The following PTPRD variants were observed in gnomAD, a reference collection of about 807,000 sequenced individuals.
PTPRD encodes receptor-type tyrosine-protein phosphatase delta.
Under a neutral mutation model 214.5 loss-of-function variants are expected in PTPRD, and 34 were observed. The ratio of observed to expected loss-of-function variants is 0.16; its 90% CI spans 0.12 to 0.21. PTPRD has a LOEUF of 0.21. Ranked by LOEUF, PTPRD falls within the 10% of genes least tolerant of loss-of-function variation. PTPRD has a pLI of 1.00. For synonymous variants in PTPRD, 1,128 were observed against 845.7 expected (o/e 1.33, Z -5.79); for missense variants, 2,545 against 2,398.7 (o/e 1.06, Z -1.27).
chr9:8,845,134 G>C (rs2097662078), intron 11 of PTPRD, among the ~76,000 whole-genome samples: 2 of 149,878 alleles, frequency 1.3e-5, no homozygotes, highest in South Asian at 4.2e-4. Context: ...AAGTGAGTGA[G>C]TGAATAAAAT....
At chr9:10,549,690 A>G (rs778192239) in intron 2 of PTPRD, among the ~76,000 whole-genome samples, 2 of 152,188 alleles carry the variant, frequency 1.3e-5, no homozygotes, top group African/African-American at 2.4e-5. Context: ...GTCTGAGAGT[A>G]TAAATCCTTA....
intron 2 of PTPRD, among the ~76,000 whole-genome samples, chr9:10,360,855 C>T (rs995646833): frequency 1.3e-5 from 2 of 152,176 alleles, no homozygotes; most frequent in Admixed American, 1.3e-4. Context: ...GTAATCCCAG[C>T]ACTTTGGGAG....
At chr9:9,102,595 G>T (rs561255746) in intron 10 of PTPRD, among the ~76,000 whole-genome samples, 1 of 152,200 alleles carries the variant, frequency 6.6e-6, no homozygotes, top group Non-Finnish European at 1.5e-5. Flanking sequence ...TGAAAGATTC[G>T]CTTTCCCACC....
At chr9:10,041,801 A>C (rs1476444176) in intron 3 of PTPRD, among the ~76,000 whole-genome samples, 1 of 152,064 alleles carries the variant, frequency 6.6e-6, no homozygotes, top group Non-Finnish European at 1.5e-5. Flanking sequence ...TCTTAAAGTT[A>C]ATGTAACTTA....
intron 8 of PTPRD, among the ~76,000 whole-genome samples, chr9:9,436,647 C>A (rs2085360702): frequency 6.6e-6 from 1 of 151,732 alleles, no homozygotes; most frequent in African/African-American, 2.4e-5. Context: ...ATTGTTCCCT[C>A]ATTCAAAAAT....
chr9:9,589,268 T>G (rs568856583), intron 7 of PTPRD, among the ~76,000 whole-genome samples: 60 of 152,028 alleles, frequency 3.9e-4, no homozygotes, highest in African/African-American at 1.4e-3. Context: ...AAAATCCTCT[T>G]AAGGATTTTA....
chr9:8,968,598 G>T (rs1178377421), intron 11 of PTPRD, among the ~76,000 whole-genome samples: 1 of 151,910 alleles, frequency 6.6e-6, no homozygotes, highest in African/African-American at 2.4e-5. Flanking sequence ...ATCTTATTGG[G>T]TTCATTAGTA....
At chr9:9,445,092 G>A (rs901459730) in intron 8 of PTPRD, among the ~76,000 whole-genome samples, 1 of 152,054 alleles carries the variant, frequency 6.6e-6, no homozygotes, top group African/African-American at 2.4e-5. Context: ...TAAGATTTTT[G>A]CACTTGGTAA....
At chr9:10,330,476 T>C (rs1044718457) in intron 3 of PTPRD, among the ~76,000 whole-genome samples, 3 of 151,868 alleles carry the variant, frequency 2.0e-5, no homozygotes, top group Non-Finnish European at 4.4e-5. Context: ...ACATTTTTTG[T>C]TCCTTTTTCC....
chr9:8,502,995 G>C (rs536229038), intron 23 of PTPRD, among the ~76,000 whole-genome samples: 7 of 152,042 alleles, frequency 4.6e-5, no homozygotes, highest in African/African-American at 1.7e-4. Context: ...TTATTAGCCT[G>C]CCTGGAATTC....
Position 8,376,860 on chromosome 9 carries a change from T to C in PTPRD, c.4387-134A>G, listed in dbSNP as rs76771913. On this transcript the variant is annotated intron_variant, in intron 37 of 45. Coordinates refer to ENST00000381196, the MANE Select transcript of PTPRD (RefSeq NM_002839.4). ...TTGATCTTTTTCTGGCATGCATTTT[T>C]GTTATCCCAATATATGTAAATTACT... is the stretch of plus-strand genomic sequence containing the variant. 3.0e-3 allele frequency: 3,573 copies of C among 1,198,018 alleles called. 88 individuals carry two copies. In the African/African-American group the frequency reaches 0.048, roughly 16 times the overall value. The allele number at this position is 1,198,018 out of a possible 1,614,324, so 74.2% of individuals were successfully genotyped here.
chr9:9,044,506 A>G (rs1309341197), intron 10 of PTPRD, among the ~76,000 whole-genome samples: 1 of 152,172 alleles, frequency 6.6e-6, no homozygotes, highest in Non-Finnish European at 1.5e-5. Flanking sequence ...TTGCTTGCTC[A>G]TTTTGTGAAC....
At chr9:8,838,927 C>T (rs2097499554) in intron 11 of PTPRD, among the ~76,000 whole-genome samples, 1 of 151,910 alleles carries the variant, frequency 6.6e-6, no homozygotes, top group Non-Finnish European at 1.5e-5. Flanking sequence ...AAAAAACCAT[C>T]AACAGATTTG....
rs185500561 is a variant in PTPRD at position 8,754,494 on chromosome 9, T to C, written c.-103-20548A>G. Reference sequence around the variant, plus strand: ...ATTTATACACAGCTATGTCCCTGTATTGCAATGGAAAAAGAATCTTTTCAA... The same window carrying C: ...ATTTATACACAGCTATGTCCCTGTACTGCAATGGAAAAAGAATCTTTTCAA... On this transcript the variant is annotated intron_variant, in intron 11 of 45. Transcript: ENST00000381196. Among the ~76,000 whole-genome samples the C allele has an allele frequency of 5.2e-4, 79 of 152,154 alleles. 1 individual carries two copies. Among genetic ancestry groups the C allele is most frequent in the Non-Finnish European group, 1.1e-3 (72 of 68,034 alleles).
At chr9:9,304,545 A>G (rs1254983549) in intron 9 of PTPRD, among the ~76,000 whole-genome samples, 1 of 152,032 alleles carries the variant, frequency 6.6e-6, no homozygotes, top group African/African-American at 2.4e-5. Flanking sequence ...CTCTGTGTAC[A>G]TGGGCAGGTC....
intron 6 of PTPRD, among the ~76,000 whole-genome samples, chr9:9,759,620 C>T (rs971614115): frequency 1.4e-5 from 2 of 144,962 alleles, no homozygotes; most frequent in East Asian, 2.2e-4. Context: ...TGTAGTGACG[C>T]GATCTCAGCT....
At chr9:9,118,583 T>A (rs540260267) in intron 10 of PTPRD, among the ~76,000 whole-genome samples, 1 of 152,304 alleles carries the variant, frequency 6.6e-6, no homozygotes, top group South Asian at 2.1e-4. Flanking sequence ...CCAGCATTAC[T>A]CATACATCTC....
chr9:10,243,476 T>C (rs953347946), intron 3 of PTPRD, among the ~76,000 whole-genome samples: 27 of 152,168 alleles, frequency 1.8e-4, no homozygotes, highest in Admixed American at 1.0e-3. Flanking sequence ...TTTATATTTA[T>C]GGTTTGAGTC....
intron 5 of PTPRD, among the ~76,000 whole-genome samples, chr9:9,880,106 CCT>C (rs1306531673): frequency 6.6e-6 from 1 of 151,990 alleles, no homozygotes; most frequent in Non-Finnish European, 1.5e-5. Flanking sequence ...GGGGCAGTTC[CCT>C]GATGGTGTTC....
Sources: gnomAD v4.1 joint callset for allele counts (sites outside exome capture counted in the v4.1 genomes callset) on GRCh38, gnomAD v4.1.1 for gene constraint, MANE v1.5 for transcripts, NCBI Gene and HGNC (gene_info 2026-07-23, HGNC 2026-07-21) for gene names.